POLN: variants seen among roughly 807,000 people sequenced by gnomAD.
POLN encodes DNA polymerase N.
In POLN, 108 loss-of-function variants were observed where a neutral mutation model predicts 113.5. The observed-to-expected ratio is 0.95, with a 90% CI of 0.81 to 1.12. The LOEUF (loss-of-function observed/expected upper bound fraction) is 1.12. POLN is among the 50% of genes most tolerant of loss of function. The probability of loss-of-function intolerance (pLI) is 0.00; values close to 1 mark genes in which losing one functional copy is unlikely to be tolerated. For missense variants in POLN, 1,097 were observed against 1,077.1 expected, an observed-to-expected ratio of 1.02 and a Z score of -0.26; for synonymous variants, 386 against 391.5, an observed-to-expected ratio of 0.99 and a Z score of 0.17.
intron 19 of POLN, among the ~76,000 whole-genome samples, chr4:2,105,433 T>C (rs963476871): frequency 1.3e-5 from 2 of 152,126 alleles, no homozygotes; most frequent in Admixed American, 6.5e-5. Context: ...GTGGCACATC[T>C]GTTTCTCTCT....
At chr4:2,226,010 A>C (rs750312482) in intron 3 of POLN, among the ~76,000 whole-genome samples, 10 of 152,030 alleles carry the variant, frequency 6.6e-5, no homozygotes, top group Non-Finnish European at 5.9e-5. Flanking sequence ...AAGTAAGTTT[A>C]TCTCTCTCCC....
intron 2 of POLN, among the ~76,000 whole-genome samples, chr4:2,232,746 T>C (rs1331014447): frequency 6.6e-6 from 1 of 152,230 alleles, no homozygotes; most frequent in Admixed American, 6.5e-5. Flanking sequence ...CGACCCTTCA[T>C]ATTTATTACA....
chr4:2,144,299 C>A (rs1333558773), intron 16 of POLN, among the ~76,000 whole-genome samples: 1 of 151,894 alleles, frequency 6.6e-6, no homozygotes, highest in African/African-American at 2.4e-5. Flanking sequence ...CACGTGCCAC[C>A]ATGCCCAGCT....
chr4:2,092,156 T>C (rs1313670878), intron 20 of POLN, among the ~76,000 whole-genome samples: 2 of 152,096 alleles, frequency 1.3e-5, no homozygotes, highest in Non-Finnish European at 2.9e-5. Flanking sequence ...CCAGGCCTCC[T>C]CCCGTGTCTC....
At chr4:2,084,102 C>A (rs1293667446) in intron 21 of POLN, among the ~76,000 whole-genome samples, 1 of 152,230 alleles carries the variant, frequency 6.6e-6, no homozygotes, top group African/African-American at 2.4e-5. Flanking sequence ...ACCTGCCATT[C>A]TCTCTCCACC....
At chr4:2,153,742 C>A (rs1466605635) in intron 16 of POLN, among the ~76,000 whole-genome samples, 1 of 151,782 alleles carries the variant, frequency 6.6e-6, no homozygotes, top group Non-Finnish European at 1.5e-5. Context: ...ACTACCACGC[C>A]CGGCTAATTT....
At chr4:2,146,326 C>T (rs1049024725) in intron 16 of POLN, among the ~76,000 whole-genome samples, 3 of 139,092 alleles carry the variant, frequency 2.2e-5, no homozygotes, top group East Asian at 2.1e-4. Context: ...GCTAACATGA[C>T]GAAACTCCGT....
chr4:2,077,921 T>G (rs1422477106), intron 23 of POLN, among the ~76,000 whole-genome samples: 2 of 152,188 alleles, frequency 1.3e-5, no homozygotes, highest in Admixed American at 6.5e-5. Flanking sequence ...GGAGTGGACC[T>G]CTGGTGCAAC....
At chr4:2,180,621 C>T (rs140884032) in intron 7 of POLN, among the ~76,000 whole-genome samples, 5 of 152,346 alleles carry the variant, frequency 3.3e-5, no homozygotes, top group African/African-American at 1.2e-4. Flanking sequence ...ACATGATTTT[C>T]TACAACACTG....
intron 11 of POLN, among the ~76,000 whole-genome samples, chr4:2,173,511 G>C (rs1003201): frequency 0.8 from 114,843 of 144,000 alleles, 45,962 homozygotes; most frequent in Non-Finnish European, 0.9. Flanking sequence ...TCTTTGCCCC[G>C]CCCCGCCACT....
In POLN at chr4:2,213,085, G is replaced by A. The variant is rs1406092052; in HGVS notation, c.175C>T (p.Gln59Ter). Residue 59 changes from glutamine to a stop codon, truncating the protein, a stop_gained, in exon 4 of 26, where the codon CAA becomes TAA. Transcript: ENST00000511885. LOFTEE classifies it high-confidence loss of function. ...GATTGAGTCTTCCTGTCTTCAAGTT[G>A]TACTGAATACTTAACACTGGACTTG... ...INKSSVKYSVQLEDRKTQSPE... is the reference protein window; with the variant it reads ...INKSSVKYSV The A allele has an allele frequency of 6.2e-6, 10 of 1,609,748 alleles. No homozygotes were observed. Among genetic ancestry groups the A allele is most frequent in the Non-Finnish European group, 8.5e-6 (10 of 1,178,448 alleles).
chr4:2,226,943 C>T lies in POLN; in HGVS notation c.133+2156G>A, dbSNP rs147569589. Among the ~76,000 whole-genome samples the T allele has an allele frequency of 2.0e-3, 298 of 152,334 alleles. 2 individuals are homozygous for T. Among genetic ancestry groups the T allele is most frequent in the African/African-American group, 6.7e-3 (278 of 41,578 alleles). The stretch of plus-strand genomic sequence containing the variant: ...GCATCACTCATCAATAATCCACCAG[C>T]AATCCAACTTTAATTTGGATTCATA... On this transcript the variant is annotated intron_variant, in intron 3 of 25. Coordinates refer to ENST00000511885, the MANE Select transcript of POLN (RefSeq NM_181808.4).
At chr4:2,130,330 A>T (rs1298570317) in intron 17 of POLN, among the ~76,000 whole-genome samples, 1 of 151,010 alleles carries the variant, frequency 6.6e-6, no homozygotes, top group East Asian at 2.0e-4. Flanking sequence ...AGAAGAGGAC[A>T]AGACAAGACT....
intron 4 of POLN, among the ~76,000 whole-genome samples, chr4:2,211,588 C>G (rs1306699747): frequency 1.3e-5 from 2 of 151,972 alleles, no homozygotes; most frequent in African/African-American, 4.8e-5. Context: ...CCAGCCCGGG[C>G]AACATGGTGA....
chr4:2,105,527 T>C (rs961956931), intron 19 of POLN, among the ~76,000 whole-genome samples: 1 of 152,118 alleles, frequency 6.6e-6, no homozygotes, highest in Admixed American at 6.5e-5. Flanking sequence ...GGAGAGGGAT[T>C]ATCATCAGGC....
intron 2 of POLN, among the ~76,000 whole-genome samples, chr4:2,235,440 T>C (rs750598063): frequency 4.6e-5 from 7 of 152,234 alleles, no homozygotes; most frequent in Admixed American, 1.3e-4. Flanking sequence ...AAGACCATCA[T>C]AGCAGTATGA....
At chr4:2,094,133 G>A (rs1469089424) in intron 20 of POLN, among the ~76,000 whole-genome samples, 2 of 152,044 alleles carry the variant, frequency 1.3e-5, no homozygotes, top group Non-Finnish European at 2.9e-5. Flanking sequence ...GATCACTTGA[G>A]GTCAGGAGTT....
intron 19 of POLN, among the ~76,000 whole-genome samples, chr4:2,118,144 G>A (rs1253589777): frequency 6.6e-6 from 1 of 152,192 alleles, no homozygotes; most frequent in Non-Finnish European, 1.5e-5. Flanking sequence ...CAGGAGCATA[G>A]GGGAGAGCCA....
chr4:2,229,119 G>A lies in POLN; in HGVS notation c.113C>T (p.Thr38Ile). 6.2e-7 allele frequency: 1 copy of A among 1,607,470 alleles called. No homozygotes were observed. The highest frequency in any genetic ancestry group is 1.1e-5 in the South Asian group (1 of 90,476). Residue 38 changes from threonine (T) to isoleucine (I), a missense_variant, in exon 3 of 26, where the codon ACT (threonine) becomes ATT (isoleucine). Transcript: ENST00000511885. ...MHSGDLVDSK[T>I]WGKSTETMEV... ...CTTACTCTCTGTACTCTTTCCCCAA[G>A]TCTTAGAATCCACTAAATCACCTGA...
Sources: allele counts gnomAD v4.1 joint callset (sites outside exome capture counted in the v4.1 genomes callset), GRCh38; gene constraint gnomAD v4.1.1; transcripts MANE v1.5; gene names NCBI Gene and HGNC (gene_info 2026-07-23, HGNC 2026-07-21).